The following CAP2 variants were observed in gnomAD, a reference collection of about 807,000 sequenced individuals.
The protein encoded by CAP2 is cyclase associated actin cytoskeleton regulatory protein 2, also known as adenylyl cyclase-associated protein 2.
In CAP2, 24 loss-of-function variants were observed where a neutral mutation model predicts 57.7. The observed-to-expected ratio is 0.42, with a 90% CI of 0.30 to 0.58. The LOEUF (loss-of-function observed/expected upper bound fraction) is 0.58. Among genes scored for constraint, CAP2 ranks in the 20% least tolerant of loss-of-function variants. The probability of loss-of-function intolerance (pLI) is 0.22; values close to 1 mark genes in which losing one functional copy is unlikely to be tolerated. For synonymous variants in CAP2, 194 were observed against 207.2 expected, an observed-to-expected ratio of 0.94 and a Z score of 0.55; for missense variants, 501 against 590.3, an observed-to-expected ratio of 0.85 and a Z score of 1.57.
At chr6:17,400,635 G>A (rs1408685717) in intron 1 of CAP2, among the ~76,000 whole-genome samples, 5 of 151,836 alleles carry the variant, frequency 3.3e-5, no homozygotes, top group Non-Finnish European at 5.9e-5. Flanking sequence ...AGGCTGAGGC[G>A]GGCAGATCAC....
At chr6:17,442,376 T>C (rs1206436371) in intron 3 of CAP2, among the ~76,000 whole-genome samples, 1 of 152,174 alleles carries the variant, frequency 6.6e-6, no homozygotes, top group Non-Finnish European at 1.5e-5. Flanking sequence ...GATTCTTCCT[T>C]TCTGTTCTGT....
At chr6:17,438,446 T>TTTTG (rs1185876793) in intron 3 of CAP2, among the ~76,000 whole-genome samples, 8 of 128,760 alleles carry the variant, frequency 6.2e-5, no homozygotes, top group South Asian at 5.0e-4. Context: ...TTTTTTTTTT[T>TTTTG]TTTTTTTTTT....
intron 1 of CAP2, among the ~76,000 whole-genome samples, chr6:17,396,822 A>G (rs1265247891): frequency 6.6e-6 from 1 of 152,206 alleles, no homozygotes; most frequent in East Asian, 1.9e-4. Flanking sequence ...TGTGAATTAC[A>G]TCTCAATAAA....
In CAP2 at chr6:17,496,027, T is replaced by TGGCGGC. The variant is rs3075209; in HGVS notation, c.301-11140_301-11139insCGGCGG. On this transcript the variant is annotated intron_variant, in intron 4 of 12. Transcript: ENST00000229922. ...CAACTGCTGTGCATGCGTGTGTGGG[T>TGGCGGC]GGGGGGGGGGGGTAAGTCAGGGAAA... Among the ~76,000 whole-genome samples the TGGCGGC allele has an allele frequency of 9.0e-5, 4 of 44,334 alleles. 1 individual carries two copies. The highest frequency in any genetic ancestry group is 3.8e-4 in the African/African-American group (3 of 7,942). The allele number at this position is 44,334 out of a possible 152,430, so 29.1% of individuals were successfully genotyped here.
At chr6:17,444,912 G>A (rs1760213460) in intron 3 of CAP2, among the ~76,000 whole-genome samples, 1 of 148,950 alleles carries the variant, frequency 6.7e-6, no homozygotes, top group South Asian at 2.1e-4. Flanking sequence ...CTTCATTCTC[G>A]TTGCTCTTTT....
chr6:17,555,554 A>ATTATT (rs1236228367), intron 12 of CAP2, among the ~76,000 whole-genome samples: 25 of 150,100 alleles, frequency 1.7e-4, no homozygotes, highest in Admixed American at 4.7e-4. Flanking sequence ...TATTATTATT[A>ATTATT]TTATTTTATT....
chr6:17,406,412 T>TTTTTTTTC (rs1197104013), intron 1 of CAP2, among the ~76,000 whole-genome samples: 5 of 135,196 alleles, frequency 3.7e-5, no homozygotes, highest in African/African-American at 1.9e-4. Flanking sequence ...TTTTTTTTTT[T>TTTTTTTTC]TGAGGCAGTC....
chr6:17,452,864 A>T (rs1288864954), intron 3 of CAP2, among the ~76,000 whole-genome samples: 1 of 152,128 alleles, frequency 6.6e-6, no homozygotes, highest in Admixed American at 6.6e-5. Flanking sequence ...GTCTCCCTAC[A>T]TATGTCAGTT....
At chr6:17,424,126 A>G (rs9297035) in intron 2 of CAP2, among the ~76,000 whole-genome samples, 80,065 of 152,022 alleles carry the variant, frequency 0.53, 23,488 homozygotes, top group African/African-American at 0.8. Flanking sequence ...ATCGGGATGG[A>G]CGCAGTGGCT....
chr6:17,521,343 G>T (rs142721077), intron 7 of CAP2, among the ~76,000 whole-genome samples: 72 of 152,114 alleles, frequency 4.7e-4, no homozygotes, highest in Non-Finnish European at 8.1e-4. Context: ...GCATGAACCT[G>T]GGAGGCGGAG....
At chr6:17,550,116 C>G (rs1048094678) in intron 11 of CAP2, among the ~76,000 whole-genome samples, 7 of 152,074 alleles carry the variant, frequency 4.6e-5, no homozygotes, top group African/African-American at 1.7e-4. Context: ...CACCTGTAAT[C>G]CCAGCACTTT....
chr6:17,470,514 A>G (rs1760989908), intron 4 of CAP2, among the ~76,000 whole-genome samples: 1 of 152,148 alleles, frequency 6.6e-6, no homozygotes, highest in East Asian at 1.9e-4. Context: ...TTTGGTTGCC[A>G]TTCTTCCACA....
At chr6:17,434,226 T>C (rs1266804920) in intron 3 of CAP2, among the ~76,000 whole-genome samples, 2 of 143,202 alleles carry the variant, frequency 1.4e-5, no homozygotes, top group African/African-American at 3.0e-5. Context: ...TTTTTCTCTT[T>C]TTTTCTTTCT....
intron 1 of CAP2, among the ~76,000 whole-genome samples, chr6:17,396,536 G>A (rs1758669702): frequency 6.6e-6 from 1 of 152,168 alleles, no homozygotes; most frequent in African/African-American, 2.4e-5. Flanking sequence ...CTAAGTGAAA[G>A]AAGCCAGTCA....
At chr6:17,512,501 CAT>C (rs774037087) in intron 6 of CAP2, among the ~76,000 whole-genome samples, 106 of 152,220 alleles carry the variant, frequency 7.0e-4, no homozygotes, top group Non-Finnish European at 9.3e-4. Context: ...TAAACATAGA[CAT>C]ATGTGTGTAC....
chr6:17,430,487 C>T (rs967998750), intron 3 of CAP2, among the ~76,000 whole-genome samples: 2 of 151,886 alleles, frequency 1.3e-5, no homozygotes, highest in Admixed American at 6.6e-5. Flanking sequence ...CTATATAATA[C>T]CTAGCCCTTG....
At chr6:17,550,847 T>C (rs1763154603) in intron 11 of CAP2, among the ~76,000 whole-genome samples, 1 of 152,218 alleles carries the variant, frequency 6.6e-6, no homozygotes, top group African/African-American at 2.4e-5. Context: ...CCCCCAGTTT[T>C]GTCTCCTGAA....
At chr6:17,460,146 A>G (rs1472144511) in intron 3 of CAP2, among the ~76,000 whole-genome samples, 1 of 152,204 alleles carries the variant, frequency 6.6e-6, no homozygotes, top group African/African-American at 2.4e-5. Flanking sequence ...CTCAGATGTC[A>G]CCATTGCCAC....
intron 7 of CAP2, among the ~76,000 whole-genome samples, chr6:17,521,721 G>A (rs555093430): frequency 1.3e-5 from 2 of 152,126 alleles, no homozygotes; most frequent in South Asian, 2.1e-4. Context: ...AAGGCATGAC[G>A]CTTGCATAGA....
Sources: gnomAD v4.1 joint callset for allele counts (sites outside exome capture counted in the v4.1 genomes callset) on GRCh38, gnomAD v4.1.1 for gene constraint, MANE v1.5 for transcripts, NCBI Gene and HGNC (gene_info 2026-07-23, HGNC 2026-07-21) for gene names.